Variants in CDYL2 observed in about 807,000 individuals in gnomAD.
CDYL2 encodes chromodomain Y like 2, also known as chromodomain Y-like protein 2.
Under a neutral mutation model 49.4 loss-of-function variants are expected in CDYL2, and 23 were observed. That is an observed-to-expected ratio of 0.47 (90% CI 0.34 to 0.66). The LOEUF (loss-of-function observed/expected upper bound fraction) is 0.66. Ranked by LOEUF, CDYL2 falls within the 30% of genes least tolerant of loss-of-function variation. The pLI is 0.01. For synonymous variants in CDYL2, 360 were observed against 268.8 expected, an observed-to-expected ratio of 1.34 and a Z score of -3.32; for missense variants, 678 against 656.4, an observed-to-expected ratio of 1.03 and a Z score of -0.36.
intron 2 of CDYL2, among the ~76,000 whole-genome samples, chr16:80,678,567 A>G (rs34805981): frequency 0.58 from 86,851 of 150,380 alleles, 25,611 homozygotes; most frequent in Middle Eastern, 0.71. Context: ...ATGAGATACC[A>G]TCTCACACCA....
intron 2 of CDYL2, among the ~76,000 whole-genome samples, chr16:80,666,348 A>G (rs1161736268): frequency 3.3e-5 from 5 of 152,192 alleles, no homozygotes; most frequent in Non-Finnish European, 7.3e-5. Flanking sequence ...TTCATGTCCT[A>G]TGTTACCATC....
intron 1 of CDYL2, among the ~76,000 whole-genome samples, chr16:80,724,162 G>A (rs1319795156): frequency 6.8e-6 from 1 of 148,122 alleles, no homozygotes; most frequent in Non-Finnish European, 1.5e-5. Flanking sequence ...AAGAAGAAGA[G>A]GAGGAGGAGA....
intron 1 of CDYL2, among the ~76,000 whole-genome samples, chr16:80,707,714 G>A (rs1384000218): frequency 6.6e-6 from 1 of 152,150 alleles, no homozygotes; most frequent in African/African-American, 2.4e-5. Flanking sequence ...AACAGAATCT[G>A]TGTCTGTTTG....
chr16:80,682,328 A>G (rs1471603970), intron 2 of CDYL2, among the ~76,000 whole-genome samples: 1 of 152,236 alleles, frequency 6.6e-6, no homozygotes, highest in African/African-American at 2.4e-5. Flanking sequence ...AAAGGTCTAG[A>G]ATAGCATTTT....
intron 2 of CDYL2, among the ~76,000 whole-genome samples, chr16:80,639,070 T>C (rs1302053723): frequency 1.3e-5 from 2 of 152,242 alleles, no homozygotes; most frequent in Non-Finnish European, 2.9e-5. Context: ...ACAAAGAAGT[T>C]ATACAGATGA....
chr16:80,672,352 C>CACACAAAG (rs68130206), intron 2 of CDYL2, among the ~76,000 whole-genome samples: 1 of 117,772 alleles, frequency 8.5e-6, no homozygotes. Context: ...CACACACACA[C>CACACAAAG]AGAGAGAGAG....
chr16:80,611,292 A>G (rs1906583808), intron 5 of CDYL2, among the ~76,000 whole-genome samples: 1 of 152,170 alleles, frequency 6.6e-6, no homozygotes, highest in African/African-American at 2.4e-5. Context: ...AGGGAGAGGA[A>G]AAAGGGAGCT....
intron 1 of CDYL2, among the ~76,000 whole-genome samples, chr16:80,783,444 T>C (rs1278957142): frequency 1.3e-5 from 2 of 152,106 alleles, no homozygotes; most frequent in African/African-American, 4.8e-5. Context: ...TTTGGAAGTT[T>C]CTCAAAAAGT....
At chr16:80,649,932 G>A (rs12448651) in intron 2 of CDYL2, among the ~76,000 whole-genome samples, 67,157 of 150,536 alleles carry the variant, frequency 0.45, 15,580 homozygotes, top group East Asian at 0.6. Context: ...ATGAAACTAG[G>A]CCCCTATCCT....
At position 80,633,940 on chromosome 16, in the gene CDYL2, C is replaced by G. The variant is rs562194405; in HGVS notation, c.617-704G>C. Among the ~76,000 whole-genome samples the G allele has an allele frequency of 4.6e-5, 7 of 152,238 alleles. No homozygotes were observed. In the South Asian group the frequency reaches 1.5e-3, roughly 32 times the overall value. On this transcript the variant is annotated intron_variant, in intron 2 of 6. Transcript: ENST00000570137. ...ATGTATAACGGTTCCCAGTCTCCAG[C>G]CTCACACAGGATACATCAGGAGCTC... is the stretch of plus-strand genomic sequence containing the variant.
intron 1 of CDYL2, among the ~76,000 whole-genome samples, chr16:80,766,043 G>A (rs556036089): frequency 2.6e-5 from 4 of 151,864 alleles, no homozygotes; most frequent in Non-Finnish European, 5.9e-5. Flanking sequence ...CCATAGAGAC[G>A]GAAAGTAGAT....
intron 2 of CDYL2, among the ~76,000 whole-genome samples, chr16:80,651,674 T>C (rs761923799): frequency 9.2e-5 from 14 of 152,206 alleles, no homozygotes; most frequent in South Asian, 4.1e-4. Context: ...GAATTATATA[T>C]GTATAAAGCA....
intron 1 of CDYL2, among the ~76,000 whole-genome samples, chr16:80,787,009 G>C (rs997451352): frequency 5.9e-5 from 9 of 151,950 alleles, no homozygotes; most frequent in African/African-American, 2.2e-4. Flanking sequence ...CATGGCACGT[G>C]CATACCTATG....
At chr16:80,614,911 T>C (rs1031530590) in intron 4 of CDYL2, among the ~76,000 whole-genome samples, 1 of 151,888 alleles carries the variant, frequency 6.6e-6, no homozygotes, top group African/African-American at 2.4e-5. Flanking sequence ...ATTTATCTCT[T>C]CTCAATCAAT....
At chr16:80,659,142 G>C (rs763486336) in intron 2 of CDYL2, among the ~76,000 whole-genome samples, 6 of 152,128 alleles carry the variant, frequency 3.9e-5, no homozygotes, top group Non-Finnish European at 8.8e-5. Context: ...AGATGGATAA[G>C]AAGGAAGAGC....
chr16:80,798,011 T>G (rs1212055564), intron 1 of CDYL2, among the ~76,000 whole-genome samples: 2 of 152,192 alleles, frequency 1.3e-5, no homozygotes, highest in African/African-American at 4.8e-5. Flanking sequence ...GTCTTGCTTT[T>G]TTGTTTTGTT....
intron 2 of CDYL2, chr16:80,670,883 G>A (rs572717710): frequency 1.5e-5 from 7 of 455,538 alleles, no homozygotes; most frequent in African/African-American, 4.0e-5. Flanking sequence ...GTCAGGTTGC[G>A]CACGAGGAAG....
intron 1 of CDYL2, among the ~76,000 whole-genome samples, chr16:80,795,666 A>G (rs1907749965): frequency 6.6e-6 from 1 of 152,128 alleles, no homozygotes; most frequent in Admixed American, 6.5e-5. Context: ...ACAAGGATAA[A>G]TTTCAGGCCC....
intron 1 of CDYL2, among the ~76,000 whole-genome samples, chr16:80,711,499 T>C (rs945136803): frequency 7.2e-5 from 11 of 152,132 alleles, no homozygotes; most frequent in Non-Finnish European, 1.3e-4. Context: ...ACATTTCCCA[T>C]ACGCAAAAGC....
Sources: gnomAD v4.1 joint callset for allele counts (sites outside exome capture counted in the v4.1 genomes callset) on GRCh38, gnomAD v4.1.1 for gene constraint, MANE v1.5 for transcripts, NCBI Gene and HGNC (gene_info 2026-07-23, HGNC 2026-07-21) for gene names.